PCDH7: variants seen among roughly 807,000 people sequenced by gnomAD.
PCDH7 encodes the protein protocadherin 7.
In PCDH7, 17 loss-of-function variants were observed where a neutral mutation model predicts 58.9. The observed-to-expected ratio is 0.29, with a 90% CI of 0.20 to 0.43. The LOEUF (loss-of-function observed/expected upper bound fraction) is 0.43. Ranked by LOEUF, PCDH7 falls within the 20% of genes least tolerant of loss-of-function variation. PCDH7 has a pLI of 1.00. For synonymous variants in PCDH7, 664 were observed against 616.4 expected (o/e 1.08, Z -1.14); for missense variants, 1,274 against 1,441.0 (o/e 0.88, Z 1.88).
intron 3 of PCDH7, among the ~76,000 whole-genome samples, chr4:30,993,999 G>A (rs1315417138): frequency 2.0e-5 from 3 of 152,122 alleles, no homozygotes; most frequent in Non-Finnish European, 4.4e-5. Context: ...AACATGGGCA[G>A]TGAAAAAGAC....
chr4:30,854,821 A>G (rs977284019), intron 1 of PCDH7, among the ~76,000 whole-genome samples: 3 of 152,056 alleles, frequency 2.0e-5, no homozygotes, highest in Non-Finnish European at 4.4e-5. Flanking sequence ...TAGTGGGATG[A>G]TGGCCATAAT....
intron 1 of PCDH7, among the ~76,000 whole-genome samples, chr4:30,838,573 G>C (rs1730808395): frequency 6.6e-6 from 1 of 152,106 alleles, no homozygotes; most frequent in South Asian, 2.1e-4. Context: ...AGCTTATCTA[G>C]AAAAACAGCA....
chr4:31,009,694 T>C (rs73113466), intron 3 of PCDH7, among the ~76,000 whole-genome samples: 16,821 of 151,964 alleles, frequency 0.11, 2,391 homozygotes, highest in African/African-American at 0.33. Context: ...ATGTAGGGGA[T>C]ATTTTCAGGA....
At chr4:30,980,862 G>A (rs1251313426) in intron 3 of PCDH7, among the ~76,000 whole-genome samples, 3 of 151,528 alleles carry the variant, frequency 2.0e-5, no homozygotes, top group South Asian at 2.1e-4. Flanking sequence ...TTATTTTTTT[G>A]AGACAGAATC....
chr4:30,837,009 T>A (rs540255748), intron 1 of PCDH7, among the ~76,000 whole-genome samples: 18 of 152,274 alleles, frequency 1.2e-4, no homozygotes, highest in African/African-American at 4.1e-4. Context: ...AGAAACCAGC[T>A]TTTGGTTGTC....
At chr4:30,999,536 C>T (rs1305779722) in intron 3 of PCDH7, among the ~76,000 whole-genome samples, 2 of 151,990 alleles carry the variant, frequency 1.3e-5, no homozygotes, top group Non-Finnish European at 2.9e-5. Context: ...TTAATACAGC[C>T]TCATATAGTT....
intron 3 of PCDH7, among the ~76,000 whole-genome samples, chr4:31,053,405 A>G (rs4615136): frequency 0.63 from 95,522 of 151,804 alleles, 32,410 homozygotes; most frequent in African/African-American, 0.89. Flanking sequence ...TCATCCTTCC[A>G]TCGAGGCCAC....
chr4:30,803,437 G>A (rs1725787519), intron 1 of PCDH7, among the ~76,000 whole-genome samples: 1 of 151,116 alleles, frequency 6.6e-6, no homozygotes, highest in African/African-American at 2.5e-5. Context: ...AGTTATTCAA[G>A]TGCATTTTTT....
intron 3 of PCDH7, among the ~76,000 whole-genome samples, chr4:30,955,790 C>T (rs959604371): frequency 2.0e-5 from 3 of 151,804 alleles, no homozygotes; most frequent in Non-Finnish European, 4.4e-5. Context: ...CTCAAGTGAT[C>T]GTCCCGCCCC....
intron 3 of PCDH7, among the ~76,000 whole-genome samples, chr4:30,998,523 T>C (rs1292000373): frequency 1.3e-5 from 2 of 152,110 alleles, no homozygotes; most frequent in Non-Finnish European, 2.9e-5. Flanking sequence ...AAAATCTGGT[T>C]CTCAGATCAG....
intron 3 of PCDH7, among the ~76,000 whole-genome samples, chr4:31,133,290 A>G (rs556819657): frequency 5.9e-5 from 9 of 152,326 alleles, no homozygotes; most frequent in Admixed American, 2.0e-4. Context: ...GTGGGTACAT[A>G]TTTGCATTTA....
chr4:30,996,381 A>C (rs1462095027), intron 3 of PCDH7, among the ~76,000 whole-genome samples: 1 of 152,212 alleles, frequency 6.6e-6, no homozygotes, highest in Non-Finnish European at 1.5e-5. Context: ...GCTATACCAT[A>C]AAGAAAGGAT....
At chr4:31,081,364 T>A (rs1438392261) in intron 3 of PCDH7, among the ~76,000 whole-genome samples, 1 of 152,206 alleles carries the variant, frequency 6.6e-6, no homozygotes, top group Non-Finnish European at 1.5e-5. Flanking sequence ...TACTACTTAG[T>A]TTTTCTATTC....
intron 2 of PCDH7, among the ~76,000 whole-genome samples, chr4:30,941,061 C>T (rs2109436111): frequency 6.6e-6 from 1 of 152,028 alleles, no homozygotes; most frequent in East Asian, 1.9e-4. Context: ...ACTTAGAGCA[C>T]TGCTTATCTT....
At chr4:30,903,470 G>A (rs1443887634) in intron 1 of PCDH7, among the ~76,000 whole-genome samples, 1 of 151,402 alleles carries the variant, frequency 6.6e-6, no homozygotes, top group Non-Finnish European at 1.5e-5. Flanking sequence ...TTTTGTCTTA[G>A]TGTATATAAC....
chr4:31,123,975 G>T (rs1578860300), intron 3 of PCDH7, among the ~76,000 whole-genome samples: 1 of 152,236 alleles, frequency 6.6e-6, no homozygotes, highest in East Asian at 1.9e-4. Context: ...ACGTCCAGAT[G>T]CTTCTTCTCT....
chr4:31,018,843 T>A (rs1213146124), intron 3 of PCDH7, among the ~76,000 whole-genome samples: 1 of 152,196 alleles, frequency 6.6e-6, no homozygotes, highest in Non-Finnish European at 1.5e-5. Context: ...TCCTTATGTA[T>A]TAAAAAATCA....
At chr4:30,739,204 C>G (rs1211488195) in intron 1 of PCDH7, among the ~76,000 whole-genome samples, 1 of 140,552 alleles carries the variant, frequency 7.1e-6, no homozygotes, top group Non-Finnish European at 1.5e-5. Flanking sequence ...GGAGTGATGA[C>G]TTTGTGAGGG....
intron 3 of PCDH7, among the ~76,000 whole-genome samples, chr4:31,093,254 C>T (rs1054518493): frequency 6.6e-6 from 1 of 152,052 alleles, no homozygotes; most frequent in African/African-American, 2.4e-5. Context: ...CAAGAACATC[C>T]ATTTTCATTA....
Sources: gnomAD v4.1 joint callset for allele counts (sites outside exome capture counted in the v4.1 genomes callset) on GRCh38, gnomAD v4.1.1 for gene constraint, MANE v1.5 for transcripts, NCBI Gene and HGNC (gene_info 2026-07-23, HGNC 2026-07-21) for gene names.